Variants in GALNT15 observed in about 807,000 individuals in gnomAD.
The protein encoded by GALNT15 is UDP-GalNAc transferase T15.
Under a neutral mutation model 66.8 loss-of-function variants are expected in GALNT15, and 67 were observed. That is an observed-to-expected ratio of 1.00 (90% CI 0.82 to 1.23). GALNT15 has a LOEUF of 1.23. Among genes scored for constraint, GALNT15 ranks in the 50% most tolerant of loss-of-function variants. The pLI is 0.00. For missense variants in GALNT15, 827 were observed against 804.3 expected (o/e 1.03, Z -0.34); for synonymous variants, 313 against 311.5 (o/e 1.00, Z -0.05).
At chr3:16,213,814 A>G (rs1341731133) in intron 6 of GALNT15, among the ~76,000 whole-genome samples, 4 of 152,170 alleles carry the variant, frequency 2.6e-5, no homozygotes, top group African/African-American at 4.8e-5. Context: ...CCAGCCTGAC[A>G]GGGAAGCCCC....
At position 16,222,753 on chromosome 3, in the gene GALNT15, C is replaced by T; in HGVS notation, c.1768C>T (p.Gln590Ter). The T allele has an allele frequency of 6.2e-7, 1 of 1,613,988 alleles. No homozygotes were observed. Among genetic ancestry groups the T allele is most frequent in the Non-Finnish European group, 8.5e-7 (1 of 1,179,990 alleles). The change falls in exon 9 of 10, where the codon CAG becomes TAG. Residue 590 changes from glutamine to a stop codon, truncating the protein, a stop_gained. Coordinates refer to ENST00000339732, the MANE Select transcript of GALNT15 (RefSeq NM_054110.5). LOFTEE classifies it high-confidence loss of function. ...CATCCACCAGCAGCACTGGGACTTC[C>T]AGGAGGTGAGTAATCTGTTCAGGAA... is the stretch of plus-strand genomic sequence containing the variant. ...LAIHQQHWDF[Q>*]ENGMIVHILS...
chr3:16,246,086 G>A, the GALNT15 span, among the ~76,000 whole-genome samples: 1 of 152,074 alleles, frequency 6.6e-6, no homozygotes, highest in Non-Finnish European at 1.5e-5. Context: ...TATGGCTGGG[G>A]GCATTATCCC....
rs1241180736 is a variant in GALNT15 at position 16,200,189 on chromosome 3, A to G, written c.707-430A>G. On this transcript the variant is annotated intron_variant, in intron 2 of 9. Transcript: ENST00000339732. The surrounding 1 kb of genome is among the most constrained non-coding windows in gnomAD (Gnocchi z 4.4). ...GATCTCATGAGAACTCACTATCACG[A>G]GAACAGCATGGGGGAAACTGCCCAC... 6.6e-6 allele frequency among the ~76,000 whole-genome samples: 1 copy of G among 152,114 alleles called. No homozygotes were observed. Among genetic ancestry groups the G allele is most frequent in the Admixed American group, 6.6e-5 (1 of 15,264 alleles).
At chr3:16,206,671 T>TTA (rs1290734087) in intron 3 of GALNT15, among the ~76,000 whole-genome samples, 18 of 60,028 alleles carry the variant, frequency 3.0e-4, no homozygotes, top group Admixed American at 2.5e-3. Flanking sequence ...AGACTCTGTC[T>TTA]AAAAAAAAAA....
rs1195960465 is a variant in GALNT15, at chr3:16,211,242, G to C, written c.1197+1G>C. ...TGAAAACCTCGAACTGTCTTTCAAG[G>C]TATGTCCTGGACCAAGGGAGGACAG... On this transcript the variant is annotated splice_donor_variant, in intron 5 of 9. Coordinates refer to ENST00000339732, the MANE Select transcript of GALNT15 (RefSeq NM_054110.5). LOFTEE classifies it high-confidence loss of function. This position sits in a 1 kb window ranked among gnomAD's most constrained non-coding sequence, Gnocchi z 4.3. The C allele has an allele frequency of 1.3e-6, 2 of 1,591,862 alleles. No homozygotes were observed. The highest frequency in any genetic ancestry group is 1.7e-6 in the Non-Finnish European group (2 of 1,159,618).
chr3:16,195,731 C>T lies in GALNT15; in HGVS notation c.540-29C>T. 3.8e-6 allele frequency: 6 copies of T among 1,594,106 alleles called. No individual in the cohort carries two copies. In the African/African-American group the frequency reaches 4.0e-5, roughly 11 times the overall value. On this transcript the variant is annotated intron_variant, in intron 1 of 9. Transcript: ENST00000339732. The surrounding 1 kb of genome is among the most constrained non-coding windows in gnomAD (Gnocchi z 4.6). The stretch of plus-strand genomic sequence containing the variant: ...AGTGTTTCTTGTGGCCTTCTCTTCC[C>T]CATGGCTCTCTGGCTCTCTTCCCTG...
chr3:16,221,680 C>T (rs890222905), intron 8 of GALNT15, among the ~76,000 whole-genome samples: 1 of 152,196 alleles, frequency 6.6e-6, no homozygotes, highest in African/African-American at 2.4e-5. Context: ...ATACCCACCC[C>T]CTGCCACAGG....
At position 16,175,736 on chromosome 3, in the gene GALNT15, CG is replaced by C. The variant is rs1239774878; in HGVS notation, c.539+49del. On this transcript the variant is annotated intron_variant, in intron 1 of 9. Transcript: ENST00000339732. The surrounding 1 kb of genome is among the most constrained non-coding windows in gnomAD (Gnocchi z 5.6). ...CCCTTCCCTGATCCCAGGGCATGAT[CG>C]GGTGGTAGCAAACTCGGGAATGCAA... 6.7e-7 allele frequency: 1 copy of C among 1,492,046 alleles called. No homozygotes were observed. Among genetic ancestry groups the C allele is most frequent in the African/African-American group, 1.4e-5 (1 of 71,248 alleles). The allele number at this position is 1,492,046 out of a possible 1,614,324, so 92.4% of individuals were successfully genotyped here. A position where few individuals can be genotyped will look rare whatever the true frequency, so the allele number is the denominator to read the frequency against.
intron 1 of GALNT15, among the ~76,000 whole-genome samples, chr3:16,178,567 C>CAGACT (rs1466759474): frequency 1.3e-5 from 2 of 152,190 alleles, no homozygotes; most frequent in Non-Finnish European, 2.9e-5. Context: ...GCCTTGGCTG[C>CAGACT]AGACTCCCCT....
Position 16,195,187 on chromosome 3 carries a change from G to C in GALNT15, c.540-573G>C, listed in dbSNP as rs1235584163. ...GAGTCCTGATCTTCCCAGAAGGCCA[G>C]GAGGGGTGTCCCTAGGTCATTTAGT... On this transcript the variant is annotated intron_variant, in intron 1 of 9. Transcript: ENST00000339732. This position sits in a 1 kb window ranked among gnomAD's most constrained non-coding sequence, Gnocchi z 4.6. 6.6e-6 allele frequency among the ~76,000 whole-genome samples: 1 copy of C among 152,200 alleles called. No homozygotes were observed. The highest frequency in any genetic ancestry group is 1.5e-5 in the Non-Finnish European group (1 of 68,048).
intron 1 of GALNT15, among the ~76,000 whole-genome samples, chr3:16,178,469 G>C (rs1003076017): frequency 1.3e-5 from 2 of 152,158 alleles, no homozygotes; most frequent in African/African-American, 2.4e-5. Context: ...GCTTGCCAGG[G>C]TTCTCACGGA....
the GALNT15 span, among the ~76,000 whole-genome samples, chr3:16,244,201 G>A: frequency 6.6e-6 from 1 of 152,188 alleles, no homozygotes; most frequent in Non-Finnish European, 1.5e-5. Flanking sequence ...CTCACAGTGC[G>A]ATGCTCATGG....
At chr3:16,205,427 C>T (rs1230468283) in intron 3 of GALNT15, among the ~76,000 whole-genome samples, 1 of 152,196 alleles carries the variant, frequency 6.6e-6, no homozygotes. Flanking sequence ...TTCAGTGAAC[C>T]AGTCTTTGTT....
At chr3:16,241,587 T>C in the GALNT15 span, among the ~76,000 whole-genome samples, 2 of 152,164 alleles carry the variant, frequency 1.3e-5, no homozygotes, top group Non-Finnish European at 2.9e-5. This position sits in a 1 kb window ranked among gnomAD's most constrained non-coding sequence, Gnocchi z 4.6. Flanking sequence ...CTCATTCTGT[T>C]GCCCAGGCTG....
chr3:16,226,842 A>G (rs2064025485), intron 9 of GALNT15, among the ~76,000 whole-genome samples: 1 of 152,244 alleles, frequency 6.6e-6, no homozygotes, highest in Admixed American at 6.5e-5. Flanking sequence ...GATTGGAGTC[A>G]ATATTAAATC....
At position 16,227,691 on chromosome 3, in the gene GALNT15, CT is replaced by C; in HGVS notation, c.*194del. ...ACCTTATTTCATTGACTGCTGGCTG[CT>C]TTAAAAAAAAAAAAAAAGGATCCAT... On this transcript the variant is annotated 3_prime_UTR_variant, in exon 10 of 10. Coordinates refer to ENST00000339732, the MANE Select transcript of GALNT15 (RefSeq NM_054110.5). This position sits in a 1 kb window ranked among gnomAD's most constrained non-coding sequence, Gnocchi z 4.5. 16 of 1,311,710 alleles carry C rather than the reference CT, an allele frequency of 1.2e-5. No homozygotes were observed. Among genetic ancestry groups the C allele is most frequent in the Admixed American group, 4.1e-5 (1 of 24,370 alleles). The allele number at this position is 1,311,710 out of a possible 1,614,324, so 81.3% of individuals were successfully genotyped here. A position where few individuals can be genotyped will look rare whatever the true frequency, so the allele number is the denominator to read the frequency against.
chr3:16,235,459 A>C (rs1158844018), downstream of GALNT15, among the ~76,000 whole-genome samples: 3 of 152,216 alleles, frequency 2.0e-5, no homozygotes. Flanking sequence ...ATACCATAGA[A>C]GTTAGGAGTG....
chr3:16,192,177 A>T (rs1285670378), intron 1 of GALNT15, among the ~76,000 whole-genome samples: 3 of 152,216 alleles, frequency 2.0e-5, no homozygotes, highest in Non-Finnish European at 4.4e-5. Flanking sequence ...TGACCATCTT[A>T]CTACAAGGAT....
the GALNT15 span, among the ~76,000 whole-genome samples, chr3:16,237,666 C>T: frequency 6.6e-6 from 1 of 152,222 alleles, no homozygotes; most frequent in African/African-American, 2.4e-5. The surrounding 1 kb of genome is among the most constrained non-coding windows in gnomAD (Gnocchi z 4.2). Context: ...TCCCCCACCA[C>T]TCCCCAGTGT....
Sources: allele counts gnomAD v4.1 joint callset (sites outside exome capture counted in the v4.1 genomes callset), GRCh38; gene constraint gnomAD v4.1.1; non-coding constraint Gnocchi (gnomAD v3.1); transcripts MANE v1.5; gene names NCBI Gene and HGNC (gene_info 2026-07-23, HGNC 2026-07-21).